Variants in TSNARE1 observed in about 807,000 individuals in gnomAD.
The protein encoded by TSNARE1 is t-SNARE domain containing 1.
Under a neutral mutation model 62.0 loss-of-function variants are expected in TSNARE1, and 49 were observed. That is an observed-to-expected ratio of 0.79 (90% CI 0.63 to 1.00). TSNARE1 has a LOEUF of 1.00. Ranked by LOEUF, TSNARE1 falls within the 50% of genes least tolerant of loss-of-function variation. TSNARE1 has a pLI of 0.00. For missense variants in TSNARE1, 755 were observed against 700.1 expected, an observed-to-expected ratio of 1.08 and a Z score of -0.88; for synonymous variants, 328 against 294.4, an observed-to-expected ratio of 1.11 and a Z score of -1.17.
rs1828946004 is a variant in TSNARE1 at position 142,318,551 on chromosome 8, G to A, written c.977C>T (p.Ser326Phe). The A allele has an allele frequency of 6.2e-7, 1 of 1,612,890 alleles. No individual in the cohort carries two copies. The highest frequency in any genetic ancestry group is 8.5e-7 in the Non-Finnish European group (1 of 1,179,950). ...VKQMAELLRS[S>F]CPQERLQQER... ...CAGACCCCAGGAACATACCGGGCAGGAGCTGCGCAGCAGCTCGGCCATCTG... is the reference window on the plus strand; with the variant it reads ...CAGACCCCAGGAACATACCGGGCAGAAGCTGCGCAGCAGCTCGGCCATCTG... Residue 326 changes from serine (S) to phenylalanine (F), a missense_variant, in exon 7 of 14, where the codon TCC (serine) becomes TTC (phenylalanine). Transcript: ENST00000524325.
intron 1 of TSNARE1, among the ~76,000 whole-genome samples, chr8:142,356,517 A>G (rs79038539): frequency 0.026 from 3,974 of 152,308 alleles, 56 homozygotes; most frequent in East Asian, 0.068. Flanking sequence ...AGCTCTGCAC[A>G]TGTGCCGGGG....
intron 1 of TSNARE1, among the ~76,000 whole-genome samples, chr8:142,371,506 T>C (rs1485212305): frequency 6.6e-6 from 1 of 152,204 alleles, no homozygotes; most frequent in Non-Finnish European, 1.5e-5. Context: ...TTTTATTGTA[T>C]ATAAATTATA....
At chr8:142,293,331 G>A (rs1824130704) in intron 10 of TSNARE1, among the ~76,000 whole-genome samples, 1 of 152,218 alleles carries the variant, frequency 6.6e-6, no homozygotes, top group East Asian at 1.9e-4. Context: ...AGGGGCAGGT[G>A]GAGATCCCAG....
At chr8:142,308,718 C>T (rs1209923796) in intron 9 of TSNARE1, among the ~76,000 whole-genome samples, 2 of 152,310 alleles carry the variant, frequency 1.3e-5, no homozygotes, top group Admixed American at 6.5e-5. Context: ...CGTTCTTCTT[C>T]AAAATTGCCT....
chr8:142,314,068 C>G (rs749230659), intron 9 of TSNARE1, among the ~76,000 whole-genome samples: 1 of 152,202 alleles, frequency 6.6e-6, no homozygotes, highest in Admixed American at 6.5e-5. Flanking sequence ...CGTGAGCCAC[C>G]GCGCCCGGCC....
At position 142,300,497 on chromosome 8, in the gene TSNARE1, G is replaced by A. The variant is rs1356914409; in HGVS notation, c.1279C>T (p.Leu427=). 2.6e-5 allele frequency: 41 copies of A among 1,604,212 alleles called. No individual in the cohort carries two copies. Among genetic ancestry groups the A allele is most frequent in the Non-Finnish European group, 3.3e-5 (39 of 1,178,670 alleles). The stretch of plus-strand genomic sequence containing the variant: ...CACGCCAGCCTCACCTCCATCTGCA[G>A]GATGGCCTCCTCCCGCAGCCGGATG... ...EAIRLREEAI[L]QMESNLLDVN... The change falls in exon 10 of 14, where the codon CTG becomes TTG. Residue 427 remains leucine, a synonymous_variant. Coordinates refer to ENST00000524325, the MANE Select transcript of TSNARE1 (RefSeq NM_145003.5).
chr8:142,321,502 A>C (rs1370628214), intron 6 of TSNARE1, among the ~76,000 whole-genome samples: 1 of 152,220 alleles, frequency 6.6e-6, no homozygotes, highest in African/African-American at 2.4e-5. Context: ...ATAAAATAGC[A>C]AACAGACCAA....
chr8:142,294,427 T>G (rs1241782909), intron 10 of TSNARE1, among the ~76,000 whole-genome samples: 1 of 152,192 alleles, frequency 6.6e-6, no homozygotes, highest in Non-Finnish European at 1.5e-5. Context: ...GGCCTTCTCA[T>G]TCCCAACCAT....
chr8:142,218,232 G>C (rs1403891843), intron 13 of TSNARE1, among the ~76,000 whole-genome samples: 1 of 101,990 alleles, frequency 9.8e-6, no homozygotes, highest in Non-Finnish European at 2.1e-5. Context: ...GTGTGACCAA[G>C]ATCTGGGTTC....
chr8:142,372,315 C>A (rs1429276059), intron 1 of TSNARE1, among the ~76,000 whole-genome samples: 4 of 152,062 alleles, frequency 2.6e-5, no homozygotes, highest in African/African-American at 4.8e-5. Flanking sequence ...GTGGGAGGAG[C>A]CCCACAACCA....
At chr8:142,253,601 C>G (rs958712168) in intron 12 of TSNARE1, among the ~76,000 whole-genome samples, 1 of 151,756 alleles carries the variant, frequency 6.6e-6, no homozygotes, top group Non-Finnish European at 1.5e-5. Flanking sequence ...GGGCGGTCAC[C>G]CCCTAGTCAC....
At chr8:142,289,761 G>A (rs1409540203) in intron 10 of TSNARE1, among the ~76,000 whole-genome samples, 2 of 152,226 alleles carry the variant, frequency 1.3e-5, no homozygotes, top group Non-Finnish European at 2.9e-5. Context: ...GAGGCCGCCG[G>A]GACTTACTGG....
chr8:142,348,255 G>C (rs1833635696), intron 2 of TSNARE1, among the ~76,000 whole-genome samples: 1 of 152,130 alleles, frequency 6.6e-6, no homozygotes, highest in Admixed American at 6.5e-5. Context: ...AACGTGCGCG[G>C]GTCACTAGAG....
rs377254674 is a variant in TSNARE1, at chr8:142,324,428, C to T, written c.894-5794G>A. 1.7e-3 allele frequency among the ~76,000 whole-genome samples: 258 copies of T among 152,316 alleles called. 3 individuals are homozygous for T. The highest frequency in any genetic ancestry group is 0.01 in the Middle Eastern group (3 of 294). ...AGGTGGTGCCGTTGCTGCCAGCAGT[C>T]AGGTGACTGAGGAGTCTGCGAGGCC... is the stretch of plus-strand genomic sequence containing the variant. On this transcript the variant is annotated intron_variant, in intron 6 of 13. Coordinates refer to ENST00000524325, the MANE Select transcript of TSNARE1 (RefSeq NM_145003.5).
At chr8:142,300,791 T>A in intron 9 of TSNARE1, 147 bp from the exon 10 acceptor site, 1 of 781,230 alleles carries the variant, frequency 1.3e-6, no homozygotes, top group Non-Finnish European at 1.8e-6. Flanking sequence ...GCGGGGGCCT[T>A]CTGCGGCCAC....
chr8:142,401,866 T>C (rs1325409645), intron 1 of TSNARE1, among the ~76,000 whole-genome samples: 1 of 152,154 alleles, frequency 6.6e-6, no homozygotes, highest in African/African-American at 2.4e-5. Flanking sequence ...GGTCGAACGG[T>C]ATGAAAGCAG....
intron 1 of TSNARE1, among the ~76,000 whole-genome samples, chr8:142,390,367 A>G (rs1837417631): frequency 7.7e-6 from 1 of 129,920 alleles, no homozygotes; most frequent in Non-Finnish European, 1.6e-5. Flanking sequence ...GGGACTCCGT[A>G]ACAGAAGCTG....
intron 1 of TSNARE1, among the ~76,000 whole-genome samples, chr8:142,367,579 G>C (rs1835646401): frequency 6.6e-6 from 1 of 152,184 alleles, no homozygotes; most frequent in Admixed American, 6.5e-5. Context: ...TTCTTTTCAG[G>C]GTGATGGAGA....
intron 13 of TSNARE1, among the ~76,000 whole-genome samples, chr8:142,223,129 T>G: frequency 1.6e-5 from 1 of 63,560 alleles, no homozygotes; most frequent in Admixed American, 1.6e-4. Flanking sequence ...CATTCACTCA[T>G]TCACTCATTC....
Sources: gnomAD v4.1 joint callset for allele counts (sites outside exome capture counted in the v4.1 genomes callset) on GRCh38, gnomAD v4.1.1 for gene constraint, MANE v1.5 for transcripts, NCBI Gene and HGNC (gene_info 2026-07-23, HGNC 2026-07-21) for gene names.